The following ARHGEF10 variants were observed in gnomAD, a reference collection of about 807,000 sequenced individuals.
ARHGEF10 encodes Rho guanine nucleotide exchange factor 10, also known as Rho guanine nucleotide exchange factor (GEF) 10.
Under a neutral mutation model 147.4 loss-of-function variants are expected in ARHGEF10, and 140 were observed. The observed-to-expected ratio is 0.95, with a 90% confidence interval of 0.83 to 1.09. The LOEUF (loss-of-function observed/expected upper bound fraction) is 1.09. Among genes scored for constraint, ARHGEF10 ranks in the 50% least tolerant of loss-of-function variants. The pLI is 0.00. For missense variants in ARHGEF10, 2,222 were observed against 1,752.7 expected (o/e 1.27, Z -4.78); for synonymous variants, 902 against 695.8 (o/e 1.30, Z -4.67).
chr8:1,860,105 G>C lies in ARHGEF10; in HGVS notation c.402G>C (p.Ala134=). The change falls in exon 4 of 29, where the codon GCG becomes GCC. Residue 134 remains alanine (A), a synonymous_variant. Coordinates refer to ENST00000349830, the MANE Select transcript of ARHGEF10 (RefSeq NM_014629.4). ...TGGTGCCTGTACCCTGCGGCTATGC[G>C]GTGCCCTCCAACCTGCCCCTCCTGC... is the stretch of plus-strand genomic sequence containing the variant. ...GYLVPVPCGY[A]VPSNLPLLLP... The C allele has an allele frequency of 6.2e-7, 1 of 1,614,030 alleles. No individual in the cohort carries two copies. The highest frequency in any genetic ancestry group is 1.1e-5 in the South Asian group (1 of 91,082).
intron 4 of ARHGEF10, among the ~76,000 whole-genome samples, chr8:1,863,452 A>G (rs1228278053): frequency 6.6e-6 from 1 of 152,218 alleles, no homozygotes; most frequent in Non-Finnish European, 1.5e-5. Flanking sequence ...CTCATTCCAA[A>G]GATAAATTCC....
intron 11 of ARHGEF10, 118 bp downstream of exon 11, chr8:1,885,825 G>C (rs532898156): frequency 8.6e-6 from 7 of 815,906 alleles, no homozygotes; most frequent in Non-Finnish European, 6.2e-6. Context: ...GCATCCACTC[G>C]GGCCCTCCAC....
chr8:1,954,853 G>C (rs1240389921), intron 28 of ARHGEF10, among the ~76,000 whole-genome samples: 2 of 152,248 alleles, frequency 1.3e-5, no homozygotes, highest in East Asian at 3.9e-4. Flanking sequence ...AGCCTTGCTG[G>C]GGTCAGTCCC....
chr8:1,923,183 G>T (rs1812428874), intron 19 of ARHGEF10, 104 bp downstream of exon 19: 3 of 989,530 alleles, frequency 3.0e-6, no homozygotes, highest in African/African-American at 3.3e-5. Context: ...AATTCATTTT[G>T]ACTTTAAAAA....
chr8:1,909,433 G>T lies in ARHGEF10; in HGVS notation c.2106G>T (p.Pro702=). Residue 702 remains proline (P), a synonymous_variant, in exon 18 of 29, where the codon CCG becomes CCT. Transcript: ENST00000349830. ...ACAGCAGGCACCTTGCCGTTCACCC[G>T]CCGGAGAGCCTGGCCGTGGTTGCTA... is the stretch of plus-strand genomic sequence containing the variant. ...GEHSRHLAVH[P]PESLAVVANA... 2 of 1,614,116 alleles carry T rather than the reference G, an allele frequency of 1.2e-6. No homozygotes were observed. Among genetic ancestry groups the T allele is most frequent in the Non-Finnish European group, 1.7e-6 (2 of 1,180,042 alleles).
intron 1 of ARHGEF10, among the ~76,000 whole-genome samples, chr8:1,831,403 G>C (rs1048549475): frequency 1.3e-5 from 2 of 151,640 alleles, no homozygotes; most frequent in African/African-American, 4.8e-5. Flanking sequence ...TGGAGGGACA[G>C]TGTGTGATGG....
At chr8:1,870,591 C>G (rs1446663299) in intron 7 of ARHGEF10, 3 of 151,974 alleles carry the variant, frequency 2.0e-5, no homozygotes, top group Non-Finnish European at 4.4e-5. Flanking sequence ...AAATTCTAAC[C>G]AAAGTATTGT....
intron 15 of ARHGEF10, among the ~76,000 whole-genome samples, chr8:1,899,061 G>A (rs186148458): frequency 6.1e-4 from 93 of 152,346 alleles, no homozygotes; most frequent in Admixed American, 1.8e-3. Context: ...CTGTCCACTG[G>A]ACCCTCATTT....
chr8:1,856,751 T>A (rs915265045), intron 2 of ARHGEF10, among the ~76,000 whole-genome samples: 4 of 152,306 alleles, frequency 2.6e-5, no homozygotes, highest in Admixed American at 2.6e-4. Flanking sequence ...GGGCTTGGTT[T>A]GGGCTGACCC....
chr8:1,921,940 T>C (rs1165655438), intron 18 of ARHGEF10, among the ~76,000 whole-genome samples: 2 of 152,014 alleles, frequency 1.3e-5, no homozygotes, highest in African/African-American at 2.4e-5. Flanking sequence ...CTCTTACTGG[T>C]TTTTTGACCT....
chr8:1,868,951 A>G (rs925428750), intron 6 of ARHGEF10, among the ~76,000 whole-genome samples: 27 of 152,184 alleles, frequency 1.8e-4, no homozygotes, highest in African/African-American at 5.8e-4. Flanking sequence ...TTCATTCCCA[A>G]TAAATTATTC....
intron 24 of ARHGEF10, 49 bp downstream of exon 24, chr8:1,928,699 G>T (rs748460547): frequency 6.3e-7 from 1 of 1,597,848 alleles, no homozygotes; most frequent in African/African-American, 1.3e-5. Flanking sequence ...TCTGCCCATG[G>T]AGGGCGTGGT....
At chr8:1,928,319 C>A in intron 23 of ARHGEF10, 108 bp from the exon 24 acceptor site, 2 of 982,696 alleles carry the variant, frequency 2.0e-6, no homozygotes, top group Non-Finnish European at 3.3e-6. Context: ...TGTGTTGATT[C>A]TCACATGAAA....
At chr8:1,873,110 A>C (rs935536663) in intron 7 of ARHGEF10, among the ~76,000 whole-genome samples, 1 of 152,184 alleles carries the variant, frequency 6.6e-6, no homozygotes, top group Non-Finnish European at 1.5e-5. Context: ...TTGTAAGGAC[A>C]GCACAAGCAG....
intron 6 of ARHGEF10, among the ~76,000 whole-genome samples, chr8:1,866,971 T>G (rs1767949197): frequency 6.6e-6 from 1 of 151,344 alleles, no homozygotes; most frequent in Non-Finnish European, 1.5e-5. Flanking sequence ...CCCAGGGAGA[T>G]GCAGTGTCTG....
chr8:1,940,020 C>G (rs1049282202), intron 26 of ARHGEF10, among the ~76,000 whole-genome samples: 1 of 152,100 alleles, frequency 6.6e-6, no homozygotes, highest in African/African-American at 2.4e-5. Flanking sequence ...AGCAACGTAA[C>G]GGGGTGCGAG....
chr8:1,903,716 C>T (rs1374473158), intron 16 of ARHGEF10: 4 of 545,470 alleles, frequency 7.3e-6, no homozygotes, highest in South Asian at 2.1e-5. Context: ...CCAGGACCTC[C>T]CAAGGGGTTA....
chr8:1,829,514 G>T (rs1297485604), intron 1 of ARHGEF10, among the ~76,000 whole-genome samples: 1 of 152,218 alleles, frequency 6.6e-6, no homozygotes, highest in African/African-American at 2.4e-5. Flanking sequence ...ACTTGACTCA[G>T]CAGGCCCGTG....
rs1333661021 is a variant in ARHGEF10, at chr8:1,948,691, CAG to C, written c.3397+3041_3397+3042del. 6.6e-6 allele frequency among the ~76,000 whole-genome samples: 1 copy of C among 152,276 alleles called. No homozygotes were observed. The highest frequency in any genetic ancestry group is 6.5e-5 in the Admixed American group (1 of 15,296). On this transcript the variant is annotated intron_variant, in intron 27 of 28. Coordinates refer to ENST00000349830, the MANE Select transcript of ARHGEF10 (RefSeq NM_014629.4). The surrounding 1 kb of genome is among the most constrained non-coding windows in gnomAD (Gnocchi z 4.9). ...TGTGACTCAGAGGGAATGAGCAGGC[CAG>C]AGAGTCCTTTCCTCCAGAGAGTCCT...
Sources: gnomAD v4.1 joint callset for allele counts (sites outside exome capture counted in the v4.1 genomes callset) on GRCh38, gnomAD v4.1.1 for gene constraint, Gnocchi (gnomAD v3.1) non-coding constraint, MANE v1.5 for transcripts, NCBI Gene and HGNC (gene_info 2026-07-23, HGNC 2026-07-21) for gene names.